The following HGF variants were observed in gnomAD, a reference collection of about 807,000 sequenced individuals.
The protein encoded by HGF is hepatocyte growth factor, also known as fibroblast-derived tumor cytotoxic factor.
Under a neutral mutation model 111.6 loss-of-function variants are expected in HGF, and 39 were observed. The ratio of observed to expected loss-of-function variants is 0.35; its 90% CI spans 0.27 to 0.46. The LOEUF is 0.46. Ranked by LOEUF, HGF falls within the 20% of genes least tolerant of loss-of-function variation. HGF has a pLI of 1.00. For missense variants in HGF, 735 were observed against 910.5 expected (o/e 0.81, Z 2.48); for synonymous variants, 285 against 294.8 (o/e 0.97, Z 0.34).
At chr7:81,713,203 A>G (rs1263248541) in intron 11 of HGF, among the ~76,000 whole-genome samples, 3 of 152,146 alleles carry the variant, frequency 2.0e-5, no homozygotes, top group Non-Finnish European at 2.9e-5. Flanking sequence ...TAACTCTTGT[A>G]TCTTACAATA....
At chr7:81,706,193 T>C in intron 15 of HGF, 94 bp downstream of exon 15, 1 of 1,061,082 alleles carries the variant, frequency 9.4e-7, no homozygotes, top group South Asian at 1.3e-5. Flanking sequence ...ATAATGCATC[T>C]GTATGAGAGA....
Position 81,701,360 on chromosome 7 carries a change from T to A in HGF, c.*1221A>T, listed in dbSNP as rs1789274509. On this transcript the variant is annotated 3_prime_UTR_variant, in exon 18 of 18. Coordinates refer to ENST00000222390, the MANE Select transcript of HGF (RefSeq NM_000601.6). Reference sequence around the variant, plus strand: ...AGTTGTCTTTTACTTCAAAAAAGCTTTATTAGGCTAAAATCTTCCAGGTTG... The same window carrying A: ...AGTTGTCTTTTACTTCAAAAAAGCTATATTAGGCTAAAATCTTCCAGGTTG... 1 of 151,586 alleles carries A rather than the reference T, an allele frequency of 6.6e-6. No homozygotes were observed. 9.4% of individuals were successfully genotyped at this position (151,586 alleles called of 1,614,324 possible). A position where few individuals can be genotyped will look rare whatever the true frequency, so the allele number is the denominator to read the frequency against.
chr7:81,707,228 C>A (rs1789451822), intron 14 of HGF, 62 bp downstream of exon 14: 2 of 874,622 alleles, frequency 2.3e-6, no homozygotes, highest in East Asian at 2.4e-5. Flanking sequence ...ACCTTAAGAG[C>A]AAAGTGGAAG....
intron 9 of HGF, among the ~76,000 whole-genome samples, chr7:81,724,237 C>A (rs1348782484): frequency 6.6e-6 from 1 of 152,134 alleles, no homozygotes; most frequent in African/African-American, 2.4e-5. Context: ...TCTAACTGAT[C>A]CTTAAAGGAA....
intron 4 of HGF, chr7:81,755,714 C>T (rs1357237016): frequency 2.6e-6 from 1 of 379,036 alleles, no homozygotes; most frequent in Non-Finnish European, 4.8e-6. Context: ...GGAGTAACAC[C>T]ATGCAAACTC....
chr7:81,723,659 T>C (rs1789931476), intron 9 of HGF, among the ~76,000 whole-genome samples: 1 of 151,038 alleles, frequency 6.6e-6, no homozygotes, highest in Non-Finnish European at 1.5e-5. Flanking sequence ...GTGTTTTTAA[T>C]ATCCAGTTGG....
At chr7:81,717,757 AT>A (rs1242176577) in intron 10 of HGF, among the ~76,000 whole-genome samples, 3 of 152,108 alleles carry the variant, frequency 2.0e-5, no homozygotes, top group Admixed American at 6.6e-5. Flanking sequence ...TTATACAAGT[AT>A]TTTTTTACAT....
intron 4 of HGF, 44 bp downstream of exon 4, chr7:81,757,144 TA>T (rs747645219): frequency 2.1e-6 from 2 of 974,162 alleles, no homozygotes; most frequent in Non-Finnish European, 3.4e-6. Flanking sequence ...TGTTAACATG[TA>T]AAAAAGACAG....
At position 81,752,212 on chromosome 7, in the gene HGF, C is replaced by T. The variant is rs776090604; in HGVS notation, c.533G>A (p.Arg178Gln). The change falls in exon 5 of 18, where the codon CGA (arginine) becomes CAA (glutamine). Residue 178 changes from arginine to glutamine, a missense_variant. Arg to Gln is a conservative substitution (Grantham distance 43). Coordinates refer to ENST00000222390, the MANE Select transcript of HGF (RefSeq NM_000601.6). ...RGKDLQENYC[R>Q]NPRGEEGGPW... ...TCCCCCTTCTTCCCCTCGAGGATTT[C>T]GACAGTAGTTTTCCTGTAGGTCTTT... is the stretch of plus-strand genomic sequence containing the variant. 2 of 1,613,504 alleles carry T rather than the reference C, an allele frequency of 1.2e-6. No individual in the cohort carries two copies. The highest frequency in any genetic ancestry group is 1.7e-6 in the Non-Finnish European group (2 of 1,179,564).
Position 81,762,699 on chromosome 7 carries a change from T to G in HGF, c.254+8A>C. On this transcript the variant is annotated splice_region_variant and intron_variant, in intron 2 of 17. Coordinates refer to ENST00000222390, the MANE Select transcript of HGF (RefSeq NM_000601.6). ...AAATTATTCTAAGAAGAAAATGAAG[T>G]AACTTACTTGCAAGTGAATGGAAGT... The G allele has an allele frequency of 6.3e-7, 1 of 1,593,468 alleles. No individual in the cohort carries two copies. The highest frequency in any genetic ancestry group is 1.1e-5 in the South Asian group (1 of 90,676).
Position 81,705,436 on chromosome 7 carries a change from G to C in HGF, c.1964C>G (p.Ser655Cys), listed in dbSNP as rs2115760155. 3.1e-6 allele frequency: 5 copies of C among 1,612,782 alleles called. No homozygotes were observed. The highest frequency in any genetic ancestry group is 4.2e-6 in the Non-Finnish European group (5 of 1,179,158). The change falls in exon 17 of 18, where the codon TCT becomes TGT. Residue 655 changes from serine (S) to cysteine (C), a missense_variant. Transcript: ENST00000222390. ...HHRGKVTLNE[S>C]EICAGAEKIG... Reference sequence around the variant, plus strand: ...CTTTTCAGCCCCAGCACATATTTCAGACTCATTCAGAGTCACCTTCCCTCG... The same window carrying C: ...CTTTTCAGCCCCAGCACATATTTCACACTCATTCAGAGTCACCTTCCCTCG...
chr7:81,728,938 A>G (rs1790090009), intron 8 of HGF, among the ~76,000 whole-genome samples: 1 of 152,242 alleles, frequency 6.6e-6, no homozygotes, highest in African/African-American at 2.4e-5. Flanking sequence ...TTAAAAACAC[A>G]TGGCATTGTG....
chr7:81,737,074 TG>T (rs1332177553), intron 7 of HGF, among the ~76,000 whole-genome samples: 1 of 152,062 alleles, frequency 6.6e-6, no homozygotes, highest in Non-Finnish European at 1.5e-5. Flanking sequence ...TGGAGTGAAA[TG>T]CTCTTATGTG....
chr7:81,727,815 G>A (rs1246104359), intron 8 of HGF, among the ~76,000 whole-genome samples: 1 of 149,650 alleles, frequency 6.7e-6, no homozygotes, highest in Non-Finnish European at 1.5e-5. Context: ...TCTTAGTTTG[G>A]ACTGACTTTA....
chr7:81,757,219 G>A lies in HGF; in HGVS notation c.452C>T (p.Pro151Leu). The A allele has an allele frequency of 6.2e-7, 1 of 1,600,278 alleles. No homozygotes were observed. The highest frequency in any genetic ancestry group is 8.6e-7 in the Non-Finnish European group (1 of 1,167,522). The change falls in exon 4 of 18, where the codon CCC (proline) becomes CTC (leucine). Residue 151 changes from proline to leucine, a missense_variant. Transcript: ENST00000222390. ...SITKSGIKCQ[P>L]WSSMIPHEHS... ...TTCGTGTGGTATCATGGAACTCCAG[G>A]GCTGACATTTGATGCCACTCTTAGT...
intron 7 of HGF, among the ~76,000 whole-genome samples, chr7:81,732,825 C>T (rs1449688281): frequency 1.3e-5 from 2 of 152,050 alleles, no homozygotes; most frequent in Non-Finnish European, 2.9e-5. Flanking sequence ...ATTTTAAGAA[C>T]CTCTGTGAAA....
intron 7 of HGF, among the ~76,000 whole-genome samples, chr7:81,735,442 A>G (rs187657742): frequency 4.6e-5 from 7 of 152,180 alleles, no homozygotes; most frequent in Admixed American, 3.9e-4. Flanking sequence ...ACAAGATTTT[A>G]TTTCTGTGAA....
chr7:81,765,229 C>T (rs555954748), intron 1 of HGF, among the ~76,000 whole-genome samples: 25 of 152,078 alleles, frequency 1.6e-4, no homozygotes, highest in African/African-American at 4.6e-4. Flanking sequence ...CTCAATGCCA[C>T]GCAAAATGAA....
At chr7:81,711,423 A>G in intron 12 of HGF, 58 bp downstream of exon 12, 1 of 898,544 alleles carries the variant, frequency 1.1e-6, no homozygotes, top group East Asian at 2.7e-5. Context: ...AAATAATGAC[A>G]CTTCTGACAC....
Sources: allele counts gnomAD v4.1 joint callset (sites outside exome capture counted in the v4.1 genomes callset), GRCh38; gene constraint gnomAD v4.1.1; transcripts MANE v1.5; gene names NCBI Gene and HGNC (gene_info 2026-07-23, HGNC 2026-07-21).